Variants in STPG2 observed in about 807,000 individuals in gnomAD.
The protein encoded by STPG2 is sperm-tail PG-rich repeat-containing protein 2.
A neutral mutation model predicts 54.2 loss-of-function variants in STPG2; 56 were observed. The ratio of observed to expected loss-of-function variants is 1.03; its 90% confidence interval spans 0.83 to 1.29. STPG2 has a LOEUF of 1.29. Among genes scored for constraint, STPG2 ranks in the 50% most tolerant of loss-of-function variants. The probability of loss-of-function intolerance (pLI) is 0.00; values close to 1 mark genes in which losing one functional copy is unlikely to be tolerated. For missense variants in STPG2, 596 were observed against 544.9 expected, an observed-to-expected ratio of 1.09 and a Z score of -0.93; for synonymous variants, 200 against 181.8, an observed-to-expected ratio of 1.10 and a Z score of -0.81.
At chr4:98,101,871 T>TC (rs1039655457) in intron 5 of STPG2, among the ~76,000 whole-genome samples, 12 of 98,354 alleles carry the variant, frequency 1.2e-4, no homozygotes, top group Admixed American at 4.7e-4. Flanking sequence ...ATCTTCCCCC[T>TC]CCCCCCCGAC....
intron 8 of STPG2, among the ~76,000 whole-genome samples, chr4:97,910,801 C>T (rs1004502776): frequency 1.3e-5 from 2 of 151,908 alleles, no homozygotes; most frequent in Middle Eastern, 3.2e-3. Context: ...AGGTATCATA[C>T]GAAAGTATCA....
intron 8 of STPG2, among the ~76,000 whole-genome samples, chr4:97,880,981 G>A (rs1257213341): frequency 6.6e-6 from 1 of 151,846 alleles, no homozygotes; most frequent in Non-Finnish European, 1.5e-5. Flanking sequence ...ATGAGGAAAG[G>A]ATTTATTTAC....
rs1212483863 is a variant in STPG2 at position 98,004,390 on chromosome 4, T to C, written c.613-23072A>G. ...CACACTTTCTTTATCCAGTCATCCATTGATGAACATTAGGTTGATTCCATA... is the reference window on the plus strand; with the variant it reads ...CACACTTTCTTTATCCAGTCATCCACTGATGAACATTAGGTTGATTCCATA... On this transcript the variant is annotated intron_variant, in intron 5 of 10. Coordinates refer to ENST00000295268, the MANE Select transcript of STPG2 (RefSeq NM_174952.3). Among the ~76,000 whole-genome samples the C allele has an allele frequency of 2.6e-5, 4 of 152,220 alleles. No individual in the cohort carries two copies. In the South Asian group the frequency reaches 6.2e-4, roughly 24 times the overall value.
At chr4:98,134,022 A>G (rs935647672) in intron 2 of STPG2, among the ~76,000 whole-genome samples, 1 of 151,930 alleles carries the variant, frequency 6.6e-6, no homozygotes, top group African/African-American at 2.4e-5. Context: ...CTCTAATGCC[A>G]TTCCTCTTCT....
chr4:97,946,739 T>C (rs1471798326), intron 7 of STPG2, among the ~76,000 whole-genome samples: 1 of 152,190 alleles, frequency 6.6e-6, no homozygotes, highest in African/African-American at 2.4e-5. Context: ...TCTATTCTGA[T>C]CCATTGATCT....
chr4:97,926,537 C>T (rs1427807137), intron 8 of STPG2, among the ~76,000 whole-genome samples: 1 of 152,136 alleles, frequency 6.6e-6, no homozygotes, highest in African/African-American at 2.4e-5. Context: ...ATTATAAAGT[C>T]ATGGCTCCCC....
At chr4:97,989,214 C>T (rs950204382) in intron 5 of STPG2, among the ~76,000 whole-genome samples, 2 of 152,132 alleles carry the variant, frequency 1.3e-5, no homozygotes, top group African/African-American at 4.8e-5. Context: ...GAAACTTCTA[C>T]ACAATTCTGT....
At chr4:97,968,536 A>C (rs1401363403) in intron 7 of STPG2, among the ~76,000 whole-genome samples, 1 of 152,230 alleles carries the variant, frequency 6.6e-6, no homozygotes, top group Non-Finnish European at 1.5e-5. Flanking sequence ...AAAAATCCTC[A>C]GTAAAATACT....
chr4:98,009,757 C>T (rs1043569454), intron 5 of STPG2, among the ~76,000 whole-genome samples: 2 of 151,960 alleles, frequency 1.3e-5, no homozygotes, highest in African/African-American at 4.8e-5. Context: ...TTATGTGCTC[C>T]AATGTTGAGT....
At chr4:98,132,765 G>C (rs1740033722) in intron 2 of STPG2, among the ~76,000 whole-genome samples, 1 of 151,944 alleles carries the variant, frequency 6.6e-6, no homozygotes. Context: ...GGGATAGTAA[G>C]AGAAGATAGC....
At chr4:97,970,875 C>A (rs1734301162) in intron 7 of STPG2, among the ~76,000 whole-genome samples, 1 of 152,128 alleles carries the variant, frequency 6.6e-6, no homozygotes. Flanking sequence ...GCACAGGCAA[C>A]CTACAGAATG....
At chr4:97,853,327 T>A (rs373478188) in intron 8 of STPG2, among the ~76,000 whole-genome samples, 3 of 152,318 alleles carry the variant, frequency 2.0e-5, no homozygotes, top group Admixed American at 6.5e-5. Context: ...TTGCCAGATT[T>A]ATAGTGCTTA....
intron 8 of STPG2, among the ~76,000 whole-genome samples, chr4:97,848,544 G>A (rs187913766): frequency 4.6e-5 from 7 of 152,100 alleles, no homozygotes; most frequent in East Asian, 3.9e-4. Context: ...TTGCTGCATC[G>A]TATTTAGGTT....
intron 4 of STPG2, among the ~76,000 whole-genome samples, chr4:97,538,904 A>G (rs960502420): frequency 6.6e-6 from 1 of 152,228 alleles, no homozygotes; most frequent in African/African-American, 2.4e-5. Context: ...TCTTAAAGAA[A>G]AGAATTTTCA....
At chr4:98,141,942 G>GAAA (rs3974892) in intron 1 of STPG2, among the ~76,000 whole-genome samples, 23,478 of 96,208 alleles carry the variant, frequency 0.24, 2,631 homozygotes, top group Non-Finnish European at 0.27. Context: ...CAGTAGTTGG[G>GAAA]AAAAAAAAAA....
At chr4:97,776,182 T>A (rs1357883716) in intron 9 of STPG2, among the ~76,000 whole-genome samples, 3 of 152,246 alleles carry the variant, frequency 2.0e-5, no homozygotes, top group South Asian at 4.1e-4. Context: ...TGTATGTATA[T>A]ACACATAAAT....
chr4:97,570,933 C>T (rs1432064000), intron 10 of STPG2, among the ~76,000 whole-genome samples: 1 of 152,080 alleles, frequency 6.6e-6, no homozygotes, highest in Admixed American at 6.6e-5. Flanking sequence ...TCTTTCGTTA[C>T]AGGGGTTCAT....
rs370173514 is a variant in STPG2 at position 97,845,844 on chromosome 4, G to A, written c.1045-4912C>T. Among the ~76,000 whole-genome samples, 6 of 152,314 alleles carry A rather than the reference G, an allele frequency of 3.9e-5. No individual in the cohort carries two copies. In the South Asian group the frequency reaches 6.2e-4, roughly 16 times the overall value. On this transcript the variant is annotated intron_variant, in intron 8 of 10. Transcript: ENST00000295268. ...CTTCCTATGTAAATTGAGATTACAAGCTGTGTTCCATTTGCATAGCCATTT... is the reference window on the plus strand; with the variant it reads ...CTTCCTATGTAAATTGAGATTACAAACTGTGTTCCATTTGCATAGCCATTT...
intron 8 of STPG2, among the ~76,000 whole-genome samples, chr4:97,933,238 A>C (rs1358231019): frequency 6.6e-6 from 1 of 152,030 alleles, no homozygotes; most frequent in African/African-American, 2.4e-5. Flanking sequence ...AATTTGTTTA[A>C]GTTCCTTGTA....
Sources: gnomAD v4.1 joint callset for allele counts (sites outside exome capture counted in the v4.1 genomes callset) on GRCh38, gnomAD v4.1.1 for gene constraint, MANE v1.5 for transcripts, NCBI Gene and HGNC (gene_info 2026-07-23, HGNC 2026-07-21) for gene names.